ERC2: variants seen among roughly 807,000 people sequenced by gnomAD.
ERC2 encodes the protein ERC protein 2.
In ERC2, 42 loss-of-function variants were observed where a neutral mutation model predicts 114.8. The observed-to-expected ratio is 0.37, with a 90% CI of 0.29 to 0.47. The LOEUF (loss-of-function observed/expected upper bound fraction) is 0.47. Ranked by LOEUF, ERC2 falls within the 20% of genes least tolerant of loss-of-function variation. The pLI, the probability that ERC2 is intolerant of heterozygous loss-of-function variation, is 0.99. For synonymous variants in ERC2, 454 were observed against 425.5 expected (o/e 1.07, Z -0.82); for missense variants, 939 against 1,150.7 (o/e 0.82, Z 2.66).
intron 1 of ERC2, among the ~76,000 whole-genome samples, chr3:56,449,328 G>A (rs1211189541): frequency 6.6e-6 from 1 of 152,134 alleles, no homozygotes; most frequent in Non-Finnish European, 1.5e-5. Context: ...AGAATGCCAG[G>A]CACAGGCTCC....
chr3:55,733,397 G>GTCTGTCTCTCTGTCTCTCTTTC (rs1490767846), intron 15 of ERC2, among the ~76,000 whole-genome samples: 4 of 151,448 alleles, frequency 2.6e-5, no homozygotes, highest in Admixed American at 2.0e-4. Context: ...CACAGTAGTG[G>GTCTGTCTCTCTGTCTCTCTTTC]TCTGTCTCTC....
chr3:56,463,951 G>A (rs1030304514), intron 1 of ERC2, among the ~76,000 whole-genome samples: 1 of 152,156 alleles, frequency 6.6e-6, no homozygotes, highest in African/African-American at 2.4e-5. Flanking sequence ...CTAATAAATA[G>A]TGCCTTAATA....
chr3:56,411,135 G>A (rs535884758), intron 2 of ERC2, among the ~76,000 whole-genome samples: 1 of 148,538 alleles, frequency 6.7e-6, no homozygotes, highest in Non-Finnish European at 1.5e-5. Context: ...CCAAGCAGAA[G>A]ACTGTTGAGT....
At chr3:56,294,138 T>C (rs1040035627) in intron 3 of ERC2, among the ~76,000 whole-genome samples, 1 of 152,262 alleles carries the variant, frequency 6.6e-6, no homozygotes. Context: ...AACATGCCAG[T>C]AATTGTTGCT....
chr3:55,802,862 T>G (rs2059355813), intron 14 of ERC2, among the ~76,000 whole-genome samples: 1 of 152,198 alleles, frequency 6.6e-6, no homozygotes, highest in African/African-American at 2.4e-5. Flanking sequence ...ACACTGACTG[T>G]TTTCACAAAC....
chr3:56,080,627 T>C (rs2077184928), intron 7 of ERC2, among the ~76,000 whole-genome samples, 190 bp downstream of exon 7: 1 of 152,126 alleles, frequency 6.6e-6, no homozygotes, highest in Non-Finnish European at 1.5e-5. Context: ...GGTAATCAAA[T>C]AGAAAATTCA....
At chr3:56,097,608 A>C (rs1457847420) in intron 6 of ERC2, among the ~76,000 whole-genome samples, 1 of 152,176 alleles carries the variant, frequency 6.6e-6, no homozygotes, top group Non-Finnish European at 1.5e-5. Context: ...ATTTTATGAG[A>C]GAAATCATAA....
intron 13 of ERC2, among the ~76,000 whole-genome samples, chr3:55,892,739 C>A (rs560703448): frequency 3.7e-4 from 56 of 152,008 alleles, no homozygotes; most frequent in African/African-American, 1.3e-3. Context: ...TAAATATATA[C>A]ATAATTGTGT....
intron 4 of ERC2, among the ~76,000 whole-genome samples, chr3:56,155,569 T>C (rs1336638572): frequency 2.0e-5 from 3 of 151,906 alleles, no homozygotes; most frequent in Non-Finnish European, 2.9e-5. Flanking sequence ...AATGCACAAG[T>C]GATAGCGTGA....
chr3:56,187,163 C>T (rs1416569244), intron 3 of ERC2, among the ~76,000 whole-genome samples: 1 of 152,124 alleles, frequency 6.6e-6, no homozygotes, highest in East Asian at 1.9e-4. Flanking sequence ...TCTGTACCCT[C>T]GCTCCAGTCA....
intron 3 of ERC2, among the ~76,000 whole-genome samples, chr3:56,241,003 G>A (rs746661965): frequency 6.6e-6 from 1 of 152,032 alleles, no homozygotes; most frequent in Non-Finnish European, 1.5e-5. Flanking sequence ...AGTCCCTAGT[G>A]TCTACTGTTA....
At chr3:55,759,472 A>AAC (rs2067277891) in intron 14 of ERC2, among the ~76,000 whole-genome samples, 3 of 64,752 alleles carry the variant, frequency 4.6e-5, no homozygotes, top group African/African-American at 2.1e-4. Flanking sequence ...TAAAAAAAAA[A>AAC]AAAAAAAAAA....
chr3:56,283,257 A>G (rs1031536202), intron 3 of ERC2, among the ~76,000 whole-genome samples: 1 of 152,204 alleles, frequency 6.6e-6, no homozygotes, highest in Non-Finnish European at 1.5e-5. Flanking sequence ...CTTGACATGC[A>G]TCATGAAAGT....
At chr3:56,443,122 C>A (rs561711449) in intron 1 of ERC2, among the ~76,000 whole-genome samples, 2 of 152,292 alleles carry the variant, frequency 1.3e-5, no homozygotes, top group African/African-American at 4.8e-5. Flanking sequence ...TTATTTTTCA[C>A]ACCTCGACAA....
At chr3:56,133,058 G>C (rs2080297203) in intron 6 of ERC2, among the ~76,000 whole-genome samples, 1 of 152,150 alleles carries the variant, frequency 6.6e-6, no homozygotes, top group Non-Finnish European at 1.5e-5. Flanking sequence ...AGCCATGTCA[G>C]AGTTATGCCT....
chr3:56,430,309 A>G (rs762049658), intron 2 of ERC2, among the ~76,000 whole-genome samples: 10 of 152,208 alleles, frequency 6.6e-5, no homozygotes, highest in Non-Finnish European at 1.3e-4. Flanking sequence ...TTTAAAAGGA[A>G]ATTAAGTTAT....
chr3:56,332,912 A>AG (rs1442652677), intron 2 of ERC2, among the ~76,000 whole-genome samples: 1 of 152,218 alleles, frequency 6.6e-6, no homozygotes, highest in Admixed American at 6.5e-5. Context: ...AGAGAAGAAA[A>AG]GGGGGGAAAA....
intron 12 of ERC2, among the ~76,000 whole-genome samples, chr3:55,955,923 T>C (rs2067921894): frequency 6.6e-6 from 1 of 152,218 alleles, no homozygotes; most frequent in African/African-American, 2.4e-5. Flanking sequence ...GGCAAGCTTC[T>C]TAACCTTTGT....
chr3:56,073,662 C>T (rs1346714667), intron 7 of ERC2, among the ~76,000 whole-genome samples: 3 of 152,284 alleles, frequency 2.0e-5, no homozygotes, highest in South Asian at 2.1e-4. Context: ...CTTCCCAGAC[C>T]GTTTCCACTC....
Sources: allele counts gnomAD v4.1 joint callset (sites outside exome capture counted in the v4.1 genomes callset), GRCh38; gene constraint gnomAD v4.1.1; transcripts MANE v1.5; gene names NCBI Gene and HGNC (gene_info 2026-07-23, HGNC 2026-07-21).